The following TMEM74 variants were observed in gnomAD, a reference collection of about 807,000 sequenced individuals.
The protein encoded by TMEM74 is transmembrane protein 74.
TMEM74 carries 13 observed loss-of-function variants against 18.1 expected under a neutral mutation model. The observed-to-expected ratio is 0.72, with a 90% confidence interval of 0.47 to 1.14. TMEM74 has a LOEUF of 1.14. Ranked by LOEUF, TMEM74 falls within the 50% of genes most tolerant of loss-of-function variation. TMEM74 has a pLI of 0.00. For synonymous variants in TMEM74, 159 were observed against 146.6 expected, an observed-to-expected ratio of 1.08 and a Z score of -0.61; for missense variants, 372 against 375.9, an observed-to-expected ratio of 0.99 and a Z score of 0.09.
intron 1 of TMEM74, among the ~76,000 whole-genome samples, chr8:108,739,563 C>CA (rs1361642341): frequency 6.6e-6 from 1 of 152,102 alleles, no homozygotes; most frequent in Non-Finnish European, 1.5e-5. Context: ...TAAATCACTC[C>CA]AAAACTAAGT....
chr8:108,767,736 T>C (rs1332644339), intron 1 of TMEM74, among the ~76,000 whole-genome samples: 1 of 152,156 alleles, frequency 6.6e-6, no homozygotes, highest in South Asian at 2.1e-4. Context: ...ATTTCAGGGA[T>C]CTAGTTACTT....
At chr8:108,670,186 G>A (rs1353670644) in intron 1 of TMEM74, among the ~76,000 whole-genome samples, 1 of 152,018 alleles carries the variant, frequency 6.6e-6, no homozygotes, top group Non-Finnish European at 1.5e-5. Flanking sequence ...TTGATCTGCT[G>A]TCAAAAGTCC....
At chr8:108,757,448 G>A (rs1289938856) in intron 1 of TMEM74, among the ~76,000 whole-genome samples, 2 of 151,848 alleles carry the variant, frequency 1.3e-5, no homozygotes, top group African/African-American at 4.8e-5. Context: ...AATAAATGAT[G>A]CTTGATTTTT....
chr8:108,737,171 C>G (rs1813756770), intron 1 of TMEM74, among the ~76,000 whole-genome samples: 1 of 152,114 alleles, frequency 6.6e-6, no homozygotes, highest in South Asian at 2.1e-4. Flanking sequence ...GGCTCTGCTA[C>G]TTATTATGTA....
At chr8:108,723,785 A>G (rs995675031) in intron 1 of TMEM74, among the ~76,000 whole-genome samples, 4 of 152,174 alleles carry the variant, frequency 2.6e-5, no homozygotes, top group African/African-American at 9.7e-5. Context: ...TAAAGGGGGG[A>G]CTTAATGTGA....
At chr8:108,649,235 A>G (rs1474749488) in intron 2 of TMEM74, among the ~76,000 whole-genome samples, 1 of 152,176 alleles carries the variant, frequency 6.6e-6, no homozygotes, top group Admixed American at 6.6e-5. Flanking sequence ...TGCATCTTCA[A>G]AAATGGGATA....
In TMEM74 at chr8:108,656,780, A is replaced by G. The variant is rs62512409; in HGVS notation, n.120-1343T>C. On this transcript the variant is annotated intron_variant and non_coding_transcript_variant, in intron 1 of 3. Transcript: ENST00000518838. ...CAAAATAAAGAAGAAACTACCACCT[A>G]AAAAAGTAGAAAAAGACTAGAAACG... Among the ~76,000 whole-genome samples the G allele has an allele frequency of 9.7e-3, 1,478 of 152,254 alleles. 13 individuals are homozygous for G. The highest frequency in any genetic ancestry group is 0.014 in the Non-Finnish European group (965 of 68,016).
intron 1 of TMEM74, among the ~76,000 whole-genome samples, chr8:108,708,791 A>T (rs1211544230): frequency 7.9e-6 from 1 of 127,058 alleles, no homozygotes; most frequent in Non-Finnish European, 1.6e-5. Context: ...TACACATGAA[A>T]CTTCTACAAC....
intron 1 of TMEM74, among the ~76,000 whole-genome samples, chr8:108,737,073 T>G (rs1813756000): frequency 6.6e-6 from 1 of 152,172 alleles, no homozygotes; most frequent in Non-Finnish European, 1.5e-5. Context: ...CTTCTGCTTA[T>G]TTTCTTTAAA....
At chr8:108,670,501 C>T (rs1233951104) in intron 1 of TMEM74, among the ~76,000 whole-genome samples, 2 of 152,132 alleles carry the variant, frequency 1.3e-5, no homozygotes, top group Non-Finnish European at 2.9e-5. Context: ...GTGGCTGAGT[C>T]TTAATGCACC....
intron 1 of TMEM74, among the ~76,000 whole-genome samples, chr8:108,714,116 G>C (rs1378326135): frequency 6.6e-6 from 1 of 152,084 alleles, no homozygotes; most frequent in Non-Finnish European, 1.5e-5. Flanking sequence ...AGACTCACAT[G>C]CTAATCTTCT....
At chr8:108,787,242 G>A (rs915091859) in intron 1 of TMEM74, among the ~76,000 whole-genome samples, 2 of 152,284 alleles carry the variant, frequency 1.3e-5, no homozygotes, top group Non-Finnish European at 2.9e-5. Context: ...GAGCAAAGCC[G>A]GGAGAGCGAG....
intron 1 of TMEM74, among the ~76,000 whole-genome samples, chr8:108,659,885 T>A (rs1482555185): frequency 1.3e-5 from 2 of 152,028 alleles, no homozygotes; most frequent in African/African-American, 4.8e-5. Context: ...ATCCAATTAC[T>A]CAGTACAGTG....
At chr8:108,756,899 T>C (rs1014752928) in intron 1 of TMEM74, among the ~76,000 whole-genome samples, 3 of 152,130 alleles carry the variant, frequency 2.0e-5, no homozygotes, top group African/African-American at 7.2e-5. Context: ...CCATACACAT[T>C]GCAGGAACTG....
At chr8:108,747,563 T>A (rs1813861928) in intron 1 of TMEM74, among the ~76,000 whole-genome samples, 1 of 152,078 alleles carries the variant, frequency 6.6e-6, no homozygotes, top group Admixed American at 6.5e-5. Flanking sequence ...CTCTTTTTTT[T>A]AAATTGGCAA....
intron 2 of TMEM74, among the ~76,000 whole-genome samples, chr8:108,618,560 A>G (rs960246847): frequency 5.9e-5 from 9 of 152,308 alleles, no homozygotes; most frequent in Non-Finnish European, 8.8e-5. Flanking sequence ...GGTTATCAGT[A>G]CACTGGAGTA....
intron 1 of TMEM74, among the ~76,000 whole-genome samples, 183 bp downstream of exon 1, chr8:108,787,293 G>A (rs1449399786): frequency 8.5e-5 from 13 of 152,208 alleles, no homozygotes; most frequent in Non-Finnish European, 1.6e-4. Flanking sequence ...AGGCGCCGAG[G>A]AATCCGGCTA....
chr8:108,767,330 C>G (rs1225909140), intron 1 of TMEM74, among the ~76,000 whole-genome samples: 1 of 152,168 alleles, frequency 6.6e-6, no homozygotes, highest in Admixed American at 6.5e-5. Context: ...CTATCCAATC[C>G]TCAAAAGATT....
chr8:108,699,586 T>C (rs1263340035), intron 1 of TMEM74, among the ~76,000 whole-genome samples: 2 of 152,126 alleles, frequency 1.3e-5, no homozygotes, highest in Admixed American at 1.3e-4. Context: ...GACATAAAGG[T>C]AATGAAACAC....
Sources: allele counts gnomAD v4.1 joint callset (sites outside exome capture counted in the v4.1 genomes callset), GRCh38; gene constraint gnomAD v4.1.1; transcripts MANE v1.5; gene names NCBI Gene and HGNC (gene_info 2026-07-23, HGNC 2026-07-21).